Variants in MARK1 observed in about 807,000 individuals in gnomAD.
MARK1 encodes the protein serine/threonine-protein kinase MARK1.
A neutral mutation model predicts 96.3 loss-of-function variants in MARK1; 40 were observed. The observed-to-expected ratio is 0.42, with a 90% CI of 0.32 to 0.54. The LOEUF (loss-of-function observed/expected upper bound fraction) is 0.54, where lower values mean the gene tolerates loss of function less well. Ranked by LOEUF, MARK1 falls within the 20% of genes least tolerant of loss-of-function variation. The probability of loss-of-function intolerance (pLI) is 0.16; values close to 1 mark genes in which losing one functional copy is unlikely to be tolerated. For synonymous variants in MARK1, 317 were observed against 341.2 expected (o/e 0.93, Z 0.78); for missense variants, 719 against 984.6 (o/e 0.73, Z 3.61).
chr1:220,662,734 T>C lies in MARK1; in HGVS notation c.*568T>C, dbSNP rs1442029578. The C allele has an allele frequency of 6.5e-6, 1 of 152,934 alleles. No homozygotes were observed. Among genetic ancestry groups the C allele is most frequent in the East Asian group, 1.9e-4 (1 of 5,194 alleles). The allele number at this position is 152,934 out of a possible 1,614,324, so 9.5% of individuals were successfully genotyped here. On this transcript the variant is annotated 3_prime_UTR_variant, in exon 18 of 18. Transcript: ENST00000366917. Reference sequence around the variant, plus strand: ...CAAAATTATTACTGCTTATCTTTGCTCTTTTCCTTGTTATCCCGCAAGGTT... The same window carrying C: ...CAAAATTATTACTGCTTATCTTTGCCCTTTTCCTTGTTATCCCGCAAGGTT...
intron 15 of MARK1, among the ~76,000 whole-genome samples, chr1:220,652,881 G>A (rs1378220601): frequency 6.6e-6 from 1 of 151,994 alleles, no homozygotes; most frequent in African/African-American, 2.4e-5. Context: ...ATTTATCTTT[G>A]TGTCCCTGTT....
At chr1:220,576,391 A>G (rs1663850532) in intron 1 of MARK1, among the ~76,000 whole-genome samples, 1 of 149,442 alleles carries the variant, frequency 6.7e-6, no homozygotes, top group Non-Finnish European at 1.5e-5. Context: ...TGGGACTCGC[A>G]TACCATCATG....
intron 9 of MARK1, among the ~76,000 whole-genome samples, chr1:220,619,050 A>G (rs1184130080): frequency 6.6e-6 from 1 of 152,230 alleles, no homozygotes; most frequent in Non-Finnish European, 1.5e-5. Context: ...TGCTGTCAGA[A>G]ATTGCTTTGT....
At chr1:220,537,254 A>C in intron 1 of MARK1, among the ~76,000 whole-genome samples, 1 of 97,634 alleles carries the variant, frequency 1.0e-5, no homozygotes, top group Non-Finnish European at 1.9e-5. Flanking sequence ...CCACCCCACA[A>C]CAGTCCCCAG....
In MARK1 at chr1:220,641,678, C is replaced by G. The variant is rs928564014; in HGVS notation, c.1470+5652C>G. ...TCTGCATCTCCCACCGAGAGGAACG[C>G]AAAAGGCGAGTGATTTCTGCCCTTC... On this transcript the variant is annotated intron_variant, in intron 13 of 17. Transcript: ENST00000366917. Among the ~76,000 whole-genome samples the G allele has an allele frequency of 8.7e-5, 13 of 150,050 alleles. No homozygotes were observed. In the East Asian group the frequency reaches 2.6e-3, roughly 30 times the overall value.
chr1:220,633,264 T>C (rs1213745441), intron 11 of MARK1, among the ~76,000 whole-genome samples: 1 of 152,076 alleles, frequency 6.6e-6, no homozygotes, highest in East Asian at 1.9e-4. Flanking sequence ...ATCCAAACCA[T>C]ATCATGAAGC....
In MARK1 at chr1:220,633,873, G is replaced by A. The variant is rs1216441773; in HGVS notation, c.1123-1503G>A. ...GAATTTGAGATTCCTGTTGGATGGAGCTATTAGGCATTTGGATATAAAGAT... is the reference window on the plus strand; with the variant it reads ...GAATTTGAGATTCCTGTTGGATGGAACTATTAGGCATTTGGATATAAAGAT... On this transcript the variant is annotated intron_variant, in intron 11 of 17. Coordinates refer to ENST00000366917, the MANE Select transcript of MARK1 (RefSeq NM_018650.5). Among the ~76,000 whole-genome samples the A allele has an allele frequency of 2.0e-5, 3 of 152,210 alleles. No individual in the cohort carries two copies. In the East Asian group the frequency reaches 5.8e-4, roughly 29 times the overall value.
At chr1:220,633,601 G>A (rs1257145489) in intron 11 of MARK1, among the ~76,000 whole-genome samples, 2 of 152,144 alleles carry the variant, frequency 1.3e-5, no homozygotes, top group Non-Finnish European at 2.9e-5. Context: ...CTGATTTGGG[G>A]GATGCACAGC....
Position 220,578,659 on chromosome 1 carries a change from A to G in MARK1, c.52-695A>G, listed in dbSNP as rs182502644. Among the ~76,000 whole-genome samples the G allele has an allele frequency of 2.6e-5, 4 of 152,274 alleles. No individual in the cohort carries two copies. In the East Asian group the frequency reaches 5.8e-4, roughly 22 times the overall value. The stretch of plus-strand genomic sequence containing the variant: ...TGGGCTAGTTTTGAGAAAAAGATTT[A>G]TACCCATGAGGTTGTCTTGGCAATA... On this transcript the variant is annotated intron_variant, in intron 1 of 17. Transcript: ENST00000366917.
At chr1:220,617,336 G>A (rs1044004650) in intron 7 of MARK1, among the ~76,000 whole-genome samples, 7 of 152,080 alleles carry the variant, frequency 4.6e-5, no homozygotes, top group African/African-American at 1.7e-4. Flanking sequence ...GAAAGGTTGT[G>A]GTGGGTAGGG....
At chr1:220,566,446 A>G (rs1663062364) in intron 1 of MARK1, among the ~76,000 whole-genome samples, 1 of 152,238 alleles carries the variant, frequency 6.6e-6, no homozygotes, top group African/African-American at 2.4e-5. Flanking sequence ...TCTGCAGACC[A>G]GAAAACATTT....
rs1016607021 is a variant in MARK1, at chr1:220,619,720, T to G, written c.909+965T>G. ...TCTACTATTTTTTTTCTTCTGGCAC[T>G]GCAATTAGAATAATTTATTTCTTAA... On this transcript the variant is annotated intron_variant, in intron 9 of 17. Coordinates refer to ENST00000366917, the MANE Select transcript of MARK1 (RefSeq NM_018650.5). Among the ~76,000 whole-genome samples the G allele has an allele frequency of 1.5e-4, 23 of 152,322 alleles. 1 individual carries two copies. The highest frequency in any genetic ancestry group is 6.8e-3 in the Middle Eastern group (2 of 294).
Position 220,618,616 on chromosome 1 carries a change from T to C in MARK1, c.790-20T>C, listed in dbSNP as rs1179059359. The C allele has an allele frequency of 6.2e-7, 1 of 1,613,478 alleles. No individual in the cohort carries two copies. The highest frequency in any genetic ancestry group is 1.3e-5 in the African/African-American group (1 of 75,014). On this transcript the variant is annotated intron_variant, in intron 8 of 17. Transcript: ENST00000366917. This position sits in a 1 kb window ranked among gnomAD's most constrained non-coding sequence, Gnocchi z 4.6. ...TATGTCAAAAACCAGTTATAAGTGC[T>C]TTCTTTCACTTTTATTAAGGAACTG...
chr1:220,663,292 G>T lies in MARK1; in HGVS notation c.*1126G>T, dbSNP rs1344438421. 1 of 152,458 alleles carries T rather than the reference G, an allele frequency of 6.6e-6. No individual in the cohort carries two copies. The highest frequency in any genetic ancestry group is 2.4e-5 in the African/African-American group (1 of 41,410). The allele number at this position is 152,458 out of a possible 1,614,324, so 9.4% of individuals were successfully genotyped here. ...ATGTGGTTGTTCAGTTTGTTCCCATGTAACTCGTTTGTTTTAAATATTTTG... is the reference window on the plus strand; with the variant it reads ...ATGTGGTTGTTCAGTTTGTTCCCATTTAACTCGTTTGTTTTAAATATTTTG... On this transcript the variant is annotated 3_prime_UTR_variant, in exon 18 of 18. Coordinates refer to ENST00000366917, the MANE Select transcript of MARK1 (RefSeq NM_018650.5).
chr1:220,596,107 TTAGTAGTCAGCAA>T (rs1410306993), intron 3 of MARK1, among the ~76,000 whole-genome samples: 2 of 152,092 alleles, frequency 1.3e-5, no homozygotes, highest in African/African-American at 4.8e-5. Flanking sequence ...AAAGTTAAAT[TTAGTAGTCAGCAA>T]CAAATCGATG....
chr1:220,590,241 T>C (rs1005137053), intron 3 of MARK1, among the ~76,000 whole-genome samples: 10 of 152,238 alleles, frequency 6.6e-5, no homozygotes, highest in African/African-American at 2.4e-4. Context: ...GATGTGGTAC[T>C]TTTCAATTGG....
intron 13 of MARK1, among the ~76,000 whole-genome samples, chr1:220,645,241 T>C (rs1027069902): frequency 3.3e-5 from 5 of 152,228 alleles, no homozygotes; most frequent in Non-Finnish European, 7.4e-5. Flanking sequence ...GATGCCACCA[T>C]TGACCCCACA....
chr1:220,584,905 A>G (rs1252661495), intron 3 of MARK1, among the ~76,000 whole-genome samples: 5 of 152,190 alleles, frequency 3.3e-5, no homozygotes, highest in African/African-American at 4.8e-5. Flanking sequence ...ATTTCACTCT[A>G]TAGCTGAACA....
chr1:220,586,116 C>T (rs559420004), intron 3 of MARK1, among the ~76,000 whole-genome samples: 1 of 152,262 alleles, frequency 6.6e-6, no homozygotes, highest in South Asian at 2.1e-4. Context: ...TTTGTTTAAG[C>T]TTTCAGATGG....
Sources: gnomAD v4.1 joint callset for allele counts (sites outside exome capture counted in the v4.1 genomes callset) on GRCh38, gnomAD v4.1.1 for gene constraint, Gnocchi (gnomAD v3.1) non-coding constraint, MANE v1.5 for transcripts, NCBI Gene and HGNC (gene_info 2026-07-23, HGNC 2026-07-21) for gene names.